Variants in JAK2 observed in about 807,000 individuals in gnomAD.
JAK2 encodes Janus kinase 2.
In JAK2, 86 loss-of-function variants were observed where a neutral mutation model predicts 139.3. That is an observed-to-expected ratio of 0.62 (90% CI 0.52 to 0.74). The LOEUF is 0.74. Among genes scored for constraint, JAK2 ranks in the 30% least tolerant of loss-of-function variants. The pLI, the probability that JAK2 is intolerant of heterozygous loss-of-function variation, is 0.00. For missense variants in JAK2, 1,421 were observed against 1,360.3 expected (o/e 1.04, Z -0.70); for synonymous variants, 490 against 437.7 (o/e 1.12, Z -1.49).
chr9:5,109,117 T>C (rs1275078580), intron 22 of JAK2: 1 of 152,140 alleles, frequency 6.6e-6, no homozygotes, highest in African/African-American at 2.4e-5. Flanking sequence ...GGACTTAATA[T>C]ACTAATTACA....
At chr9:5,058,586 G>C (rs1228453165) in intron 8 of JAK2, among the ~76,000 whole-genome samples, 3 of 152,144 alleles carry the variant, frequency 2.0e-5, no homozygotes, top group Non-Finnish European at 4.4e-5. Context: ...AGAATTGCTG[G>C]ATCATATGGT....
chr9:5,122,921 T>A (rs991312275), intron 22 of JAK2, 83 bp from the exon 23 acceptor site: 65 of 823,046 alleles, frequency 7.9e-5, no homozygotes, highest in Middle Eastern at 2.5e-4. Flanking sequence ...TTTTTTTTTT[T>A]AATTTATACA....
intron 5 of JAK2, among the ~76,000 whole-genome samples, chr9:5,049,164 C>T (rs1319178797): frequency 6.6e-6 from 1 of 152,174 alleles, no homozygotes; most frequent in Non-Finnish European, 1.5e-5. Context: ...CTGAGCCATA[C>T]ACCAGCCTCT....
chr9:5,106,447 TG>T (rs1821960456), intron 22 of JAK2, among the ~76,000 whole-genome samples: 1 of 152,180 alleles, frequency 6.6e-6, no homozygotes, highest in African/African-American at 2.4e-5. Flanking sequence ...ACACTGTTGG[TG>T]GGAGTAGTGT....
chr9:5,090,535 A>T lies in JAK2; in HGVS notation c.2851A>T (p.Ile951Leu), dbSNP rs541690475. ...LQKHKERIDH[I>L]KLLQYTSQIC... ...AAAACATAAAGAACGGATAGATCAC[A>T]TAAAACTTCTGCAGTACACATCTCA... The change falls in exon 21 of 25, where the codon ATA becomes TTA. Residue 951 changes from isoleucine (I) to leucine (L), a missense_variant. Physicochemically the swap from Ile to Leu is conservative, Grantham distance 5. Coordinates refer to ENST00000381652, the MANE Select transcript of JAK2 (RefSeq NM_004972.4). 6.3e-7 allele frequency: 1 copy of T among 1,598,632 alleles called. No homozygotes were observed. The highest frequency in any genetic ancestry group is 8.5e-7 in the Non-Finnish European group (1 of 1,172,350).
rs1260770215 is a variant in JAK2 at position 5,126,724 on chromosome 9, A to G, written c.3332A>G (p.Asn1111Ser). Residue 1111 changes from asparagine to serine, a missense_variant, in exon 25 of 25, where the codon AAT (asparagine) becomes AGT (serine). Physicochemically the swap from Asn to Ser is conservative, Grantham distance 46. Transcript: ENST00000381652. ...IMTECWNNNV[N>S]QRPSFRDLAL... is the part of the protein sequence containing the mutation. ...ACAGAATGCTGGAACAATAATGTAAATCAACGCCCCTCCTTTAGGGATCTA... is the reference window on the plus strand; with the variant it reads ...ACAGAATGCTGGAACAATAATGTAAGTCAACGCCCCTCCTTTAGGGATCTA... The G allele has an allele frequency of 7.4e-6, 12 of 1,611,278 alleles. No homozygotes were observed. The highest frequency in any genetic ancestry group is 6.7e-5 in the East Asian group (3 of 44,818).
Position 5,090,744 on chromosome 9 carries a change from G to GGAGT in JAK2, c.2893_2896dup (p.Tyr966Ter). On this transcript the variant is annotated frameshift_variant, in exon 22 of 25. Coordinates refer to ENST00000381652, the MANE Select transcript of JAK2 (RefSeq NM_004972.4). LOFTEE classifies it high-confidence loss of function. The stretch of plus-strand genomic sequence containing the variant: ...GAAAAATGTTTTATCCATAGGGTAT[G>GGAGT]GAGTATCTTGGTACAAAAAGGTATA... 1.2e-6 allele frequency: 2 copies of GGAGT among 1,601,726 alleles called. No homozygotes were observed. The highest frequency in any genetic ancestry group is 1.7e-6 in the Non-Finnish European group (2 of 1,176,616).
At chr9:5,061,230 A>T (rs761040512) in intron 8 of JAK2, among the ~76,000 whole-genome samples, 3 of 152,228 alleles carry the variant, frequency 2.0e-5, no homozygotes, top group Non-Finnish European at 4.4e-5. Context: ...TCAAGTCACC[A>T]ATGGCATAGG....
intron 2 of JAK2, among the ~76,000 whole-genome samples, chr9:4,997,985 T>G (rs1413114604): frequency 2.0e-5 from 3 of 152,194 alleles, no homozygotes; most frequent in Admixed American, 6.5e-5. Context: ...ATCTGAAATA[T>G]TCAGTGTTCT....
intron 10 of JAK2, 56 bp from the exon 11 acceptor site, chr9:5,068,966 C>T (rs1818757611): frequency 1.0e-6 from 1 of 963,676 alleles, no homozygotes; most frequent in African/African-American, 1.7e-5. Context: ...TCAGAATAAT[C>T]ACTGTGATGT....
intron 19 of JAK2, chr9:5,085,086 A>G (rs1348312351): frequency 1.5e-6 from 1 of 666,624 alleles, no homozygotes. Flanking sequence ...TTATTGCTTC[A>G]TGGCAGTACT....
chr9:4,989,464 A>C (rs969501675), intron 2 of JAK2, among the ~76,000 whole-genome samples: 1 of 152,182 alleles, frequency 6.6e-6, no homozygotes, highest in Non-Finnish European at 1.5e-5. Context: ...AAAAACCACA[A>C]CACACAGTGG....
chr9:5,120,661 C>T (rs1368999646), intron 22 of JAK2, among the ~76,000 whole-genome samples: 1 of 152,120 alleles, frequency 6.6e-6, no homozygotes, highest in Admixed American at 6.6e-5. Flanking sequence ...CATTATTCTT[C>T]ACCTTGTGTG....
Position 5,080,559 on chromosome 9 carries a change from T to G in JAK2, c.2310T>G (p.His770Gln). ...QRKLQFYEDR[H>Q]QLPAPKWAEL... ...AGCTACAATTTTATGAAGATAGGCATCAGCTTCCTGCACCAAAGTGGGCAG... is the reference window on the plus strand; with the variant it reads ...AGCTACAATTTTATGAAGATAGGCAGCAGCTTCCTGCACCAAAGTGGGCAG... Residue 770 changes from histidine to glutamine, a missense_variant, in exon 18 of 25, where the codon CAT (histidine) becomes CAG (glutamine). Coordinates refer to ENST00000381652, the MANE Select transcript of JAK2 (RefSeq NM_004972.4). The G allele has an allele frequency of 6.3e-7, 1 of 1,596,674 alleles. No individual in the cohort carries two copies. Among genetic ancestry groups the G allele is most frequent in the South Asian group, 1.2e-5 (1 of 86,192 alleles).
intron 4 of JAK2, among the ~76,000 whole-genome samples, chr9:5,037,615 C>G (rs987380312): frequency 5.9e-5 from 9 of 152,104 alleles, no homozygotes; most frequent in Non-Finnish European, 1.3e-4. Context: ...GGACAAAAAA[C>G]CAAACACTGC....
chr9:5,055,814 T>G, intron 8 of JAK2, 26 bp downstream of exon 8: 1 of 1,586,860 alleles, frequency 6.3e-7, no homozygotes, highest in East Asian at 2.2e-5. Context: ...GATTGAATAA[T>G]GGTTTCATTT....
chr9:5,063,801 A>G (rs900621095), intron 8 of JAK2, among the ~76,000 whole-genome samples: 7 of 152,228 alleles, frequency 4.6e-5, no homozygotes, highest in Admixed American at 3.3e-4. Context: ...TAATACGTCT[A>G]TATATTTTCC....
At chr9:5,047,763 T>A (rs1440079600) in intron 5 of JAK2, among the ~76,000 whole-genome samples, 4 of 152,100 alleles carry the variant, frequency 2.6e-5, no homozygotes, top group Non-Finnish European at 5.9e-5. Context: ...GCCTGGCTAA[T>A]TTTTTTAGTT....
At chr9:5,111,503 G>T (rs1222093824) in intron 22 of JAK2, 1 of 368,372 alleles carries the variant, frequency 2.7e-6, no homozygotes, top group Admixed American at 3.7e-5. Context: ...GGATGCCGCC[G>T]CCTATCCATC....
Sources: allele counts gnomAD v4.1 joint callset (sites outside exome capture counted in the v4.1 genomes callset), GRCh38; gene constraint gnomAD v4.1.1; transcripts MANE v1.5; gene names NCBI Gene and HGNC (gene_info 2026-07-23, HGNC 2026-07-21).